ARHGAP10: variants seen among roughly 807,000 people sequenced by gnomAD.
ARHGAP10 encodes rho GTPase-activating protein 10.
ARHGAP10 carries 87 observed loss-of-function variants against 108.6 expected under a neutral mutation model. The ratio of observed to expected loss-of-function variants is 0.80; its 90% confidence interval spans 0.67 to 0.96. The LOEUF is 0.96. ARHGAP10 is among the 40% of genes least tolerant of loss of function. The pLI, the probability that ARHGAP10 is intolerant of heterozygous loss-of-function variation, is 0.00. For synonymous variants in ARHGAP10, 347 were observed against 341.1 expected (o/e 1.02, Z -0.19); for missense variants, 939 against 954.5 (o/e 0.98, Z 0.21).
chr4:148,046,729 G>C (rs1728901180), intron 19 of ARHGAP10, among the ~76,000 whole-genome samples, 163 bp from the exon 20 acceptor site: 1 of 151,890 alleles, frequency 6.6e-6, no homozygotes, highest in South Asian at 2.1e-4. Context: ...AAGCATCTTT[G>C]ATTAAAAAAA....
intron 4 of ARHGAP10, among the ~76,000 whole-genome samples, chr4:147,852,043 T>C (rs900915273): frequency 1.3e-5 from 2 of 152,210 alleles, no homozygotes; most frequent in Admixed American, 6.5e-5. Context: ...TTGTGAGAGT[T>C]GAGTGAATTT....
At chr4:147,958,537 CA>C (rs1738873003) in intron 16 of ARHGAP10, among the ~76,000 whole-genome samples, 1 of 152,116 alleles carries the variant, frequency 6.6e-6, no homozygotes, top group African/African-American at 2.4e-5. Context: ...GGAAGCAAGA[CA>C]AAAATCATGT....
intron 18 of ARHGAP10, among the ~76,000 whole-genome samples, chr4:148,001,131 A>T (rs1325240524): frequency 6.6e-6 from 1 of 152,178 alleles, no homozygotes; most frequent in African/African-American, 2.4e-5. Flanking sequence ...CTTCCTACAT[A>T]TGGCTAGCCA....
intron 19 of ARHGAP10, among the ~76,000 whole-genome samples, chr4:148,041,182 A>T (rs1728619160): frequency 6.6e-6 from 1 of 152,144 alleles, no homozygotes; most frequent in South Asian, 2.1e-4. Context: ...TACTCCTGCT[A>T]ATACATAAGC....
At chr4:147,874,233 A>G (rs189367664) in intron 7 of ARHGAP10, among the ~76,000 whole-genome samples, 80 of 152,292 alleles carry the variant, frequency 5.3e-4, no homozygotes, top group African/African-American at 1.9e-3. Context: ...TCACATCAGC[A>G]GTTTTTTGGT....
At chr4:147,751,823 C>T (rs991663942) in intron 1 of ARHGAP10, among the ~76,000 whole-genome samples, 2 of 151,332 alleles carry the variant, frequency 1.3e-5, no homozygotes, top group African/African-American at 2.4e-5. Context: ...GACATTTGCC[C>T]GAGGGTACTC....
chr4:147,817,626 A>G (rs910983473), intron 1 of ARHGAP10, among the ~76,000 whole-genome samples: 1 of 152,304 alleles, frequency 6.6e-6, no homozygotes, highest in East Asian at 1.9e-4. Context: ...CCTGGGAAGA[A>G]TTAGATCACC....
At chr4:147,852,237 T>C (rs1211056182) in intron 4 of ARHGAP10, among the ~76,000 whole-genome samples, 6 of 152,198 alleles carry the variant, frequency 3.9e-5, no homozygotes, top group Non-Finnish European at 7.3e-5. Context: ...TATGGACAAA[T>C]AGTGCTAAGG....
intron 20 of ARHGAP10, among the ~76,000 whole-genome samples, chr4:148,061,127 C>T (rs10013413): frequency 0.67 from 101,361 of 151,120 alleles, 35,110 homozygotes; most frequent in East Asian, 0.84. Context: ...ATGTGAGGAT[C>T]AAGCAGACAA....
chr4:148,023,778 A>G (rs1001987124), intron 19 of ARHGAP10, among the ~76,000 whole-genome samples: 1 of 152,236 alleles, frequency 6.6e-6, no homozygotes, highest in Non-Finnish European at 1.5e-5. Context: ...TGTTAAATGC[A>G]TCTAGATTAA....
At chr4:147,955,027 T>TA (rs1738736132) in intron 15 of ARHGAP10, among the ~76,000 whole-genome samples, 1 of 152,050 alleles carries the variant, frequency 6.6e-6, no homozygotes, top group Non-Finnish European at 1.5e-5. Context: ...AAGTTTTATA[T>TA]ATAAAACCAG....
At chr4:147,987,266 A>G (rs1389339449) in intron 18 of ARHGAP10, among the ~76,000 whole-genome samples, 3 of 152,228 alleles carry the variant, frequency 2.0e-5, no homozygotes, top group Non-Finnish European at 4.4e-5. Context: ...TATACTGTTG[A>G]AGCTTCTATA....
At chr4:147,899,774 A>G (rs1017773293) in intron 10 of ARHGAP10, among the ~76,000 whole-genome samples, 6 of 152,060 alleles carry the variant, frequency 3.9e-5, no homozygotes, top group East Asian at 3.9e-4. Context: ...CAGAAACTCT[A>G]TGAGAAACTG....
chr4:147,782,989 TA>T (rs1023898847), intron 1 of ARHGAP10, among the ~76,000 whole-genome samples: 17 of 138,804 alleles, frequency 1.2e-4, no homozygotes, highest in Middle Eastern at 3.5e-3. Flanking sequence ...TTATATAAAT[TA>T]TATATATTAT....
chr4:147,872,296 G>A (rs1390984873), intron 7 of ARHGAP10, among the ~76,000 whole-genome samples: 1 of 152,078 alleles, frequency 6.6e-6, no homozygotes, highest in East Asian at 1.9e-4. Flanking sequence ...GAGCACGTAA[G>A]CAGACATGTT....
chr4:147,802,648 A>G (rs1731628932), intron 1 of ARHGAP10, among the ~76,000 whole-genome samples: 3 of 152,212 alleles, frequency 2.0e-5, no homozygotes, highest in African/African-American at 7.2e-5. Context: ...TTCGCAGGAA[A>G]CCAGCTCTGC....
intron 18 of ARHGAP10, among the ~76,000 whole-genome samples, chr4:147,994,247 A>G (rs1028162050): frequency 2.6e-5 from 4 of 152,170 alleles, no homozygotes; most frequent in Non-Finnish European, 5.9e-5. Flanking sequence ...GTGCTTATGT[A>G]TGTCTCTGTT....
intron 7 of ARHGAP10, among the ~76,000 whole-genome samples, chr4:147,867,089 T>C (rs755887358): frequency 1.3e-5 from 2 of 152,204 alleles, no homozygotes; most frequent in African/African-American, 2.4e-5. Flanking sequence ...AAATCAGCTA[T>C]GTCTGCTACA....
chr4:147,960,538 G>T (rs2126990584), intron 16 of ARHGAP10, among the ~76,000 whole-genome samples: 1 of 152,254 alleles, frequency 6.6e-6, no homozygotes, highest in East Asian at 1.9e-4. Context: ...ACCAAAAAAA[G>T]GAAGGAAAAC....
Sources: allele counts gnomAD v4.1 joint callset (sites outside exome capture counted in the v4.1 genomes callset), GRCh38; gene constraint gnomAD v4.1.1; transcripts MANE v1.5; gene names NCBI Gene and HGNC (gene_info 2026-07-23, HGNC 2026-07-21).